The following SBF2 variants were observed in gnomAD, a reference collection of about 807,000 sequenced individuals.
The protein encoded by SBF2 is myotubularin-related protein 13.
Under a neutral mutation model 225.2 loss-of-function variants are expected in SBF2, and 112 were observed. That is an observed-to-expected ratio of 0.50 (90% CI 0.43 to 0.58). The LOEUF (loss-of-function observed/expected upper bound fraction) is 0.58. Among genes scored for constraint, SBF2 ranks in the 20% least tolerant of loss-of-function variants. The pLI is 0.00. For missense variants in SBF2, 1,996 were observed against 2,206.2 expected (o/e 0.90, Z 1.91); for synonymous variants, 763 against 773.3 (o/e 0.99, Z 0.22).
chr11:10,236,019 C>T (rs901718436), intron 1 of SBF2, among the ~76,000 whole-genome samples: 2 of 152,050 alleles, frequency 1.3e-5, no homozygotes, highest in Admixed American at 6.6e-5. Context: ...TGCAGTGAGC[C>T]GCAATTCTAC....
At chr11:9,983,354 T>C (rs1947044006) in intron 13 of SBF2, among the ~76,000 whole-genome samples, 1 of 152,012 alleles carries the variant, frequency 6.6e-6, no homozygotes, top group Non-Finnish European at 1.5e-5. Context: ...GAGGGAGCCA[T>C]AATCTCCCTA....
chr11:9,787,524 C>A, intron 36 of SBF2, 110 bp downstream of exon 36: 1 of 876,648 alleles, frequency 1.1e-6, no homozygotes, highest in Admixed American at 2.0e-5. Context: ...TCCACCCTTC[C>A]TTCTGGCCAT....
intron 16 of SBF2, among the ~76,000 whole-genome samples, chr11:9,916,201 G>C (rs1339258355): frequency 1.3e-5 from 2 of 151,646 alleles, no homozygotes; most frequent in Non-Finnish European, 2.9e-5. Flanking sequence ...AAATAACTAG[G>C]GATAATTTTC....
rs1856241835 is a variant in SBF2, at chr11:9,842,617, T to G, written c.3256+8A>C. 6.2e-7 allele frequency: 1 copy of G among 1,613,780 alleles called. No homozygotes were observed. The highest frequency in any genetic ancestry group is 8.5e-7 in the Non-Finnish European group (1 of 1,179,776). The stretch of plus-strand genomic sequence containing the variant: ...TGAATAATGAAGGAAATTCAAGTTT[T>G]CACATACCAGATACATCATCATCTT... On this transcript the variant is annotated splice_region_variant and intron_variant, in intron 25 of 39. Coordinates refer to ENST00000256190, the MANE Select transcript of SBF2 (RefSeq NM_030962.4).
rs148717661 is a variant in SBF2 at position 9,788,761 on chromosome 11, A to ATTT, written c.4932+345_4932+347dup. Among the ~76,000 whole-genome samples, 464 of 134,822 alleles carry ATTT rather than the reference A, an allele frequency of 3.4e-3. 6 individuals are homozygous for ATTT. Among genetic ancestry groups the ATTT allele is most frequent in the African/African-American group, 0.013 (450 of 35,534 alleles). The allele number at this position is 134,822 out of a possible 152,430, so 88.4% of individuals were successfully genotyped here. ...AGGCGCCCGCCACCACGCCCGGCTA[A>ATTT]TTTTTTTTTTTTTTTTGTATTTCTT... On this transcript the variant is annotated intron_variant, in intron 35 of 39. Coordinates refer to ENST00000256190, the MANE Select transcript of SBF2 (RefSeq NM_030962.4).
intron 16 of SBF2, among the ~76,000 whole-genome samples, chr11:9,942,913 A>G (rs28377654): frequency 8.9e-5 from 6 of 67,234 alleles, no homozygotes; most frequent in Non-Finnish European, 1.7e-4. Flanking sequence ...GAAAGAAAGA[A>G]AGAAAGAAAG....
chr11:10,285,024 C>A (rs1963656767), intron 1 of SBF2, among the ~76,000 whole-genome samples: 1 of 151,890 alleles, frequency 6.6e-6, no homozygotes, highest in Non-Finnish European at 1.5e-5. Flanking sequence ...AAGAGTGTAT[C>A]ATTTGGCCAG....
intron 16 of SBF2, among the ~76,000 whole-genome samples, chr11:9,954,941 G>A (rs1464798154): frequency 6.6e-6 from 1 of 152,030 alleles, no homozygotes; most frequent in Admixed American, 6.6e-5. Context: ...GAAATTGCCT[G>A]ACTTTAGGAC....
chr11:10,103,037 G>A (rs1400871656), intron 2 of SBF2, among the ~76,000 whole-genome samples: 1 of 152,152 alleles, frequency 6.6e-6, no homozygotes, highest in African/African-American at 2.4e-5. Flanking sequence ...AAAATGGGGA[G>A]AGAGAAGAAA....
At chr11:10,190,760 TAA>T (rs1957133955) in intron 2 of SBF2, among the ~76,000 whole-genome samples, 2 of 152,206 alleles carry the variant, frequency 1.3e-5, no homozygotes, top group African/African-American at 2.4e-5. Context: ...AAATAAATAA[TAA>T]AGTTGGTCCC....
At chr11:9,854,222 G>A (rs1379788045) in intron 19 of SBF2, among the ~76,000 whole-genome samples, 1 of 152,186 alleles carries the variant, frequency 6.6e-6, no homozygotes, top group South Asian at 2.1e-4. Context: ...GGACCAAACT[G>A]TCCCTTCTCT....
intron 1 of SBF2, among the ~76,000 whole-genome samples, chr11:10,301,838 C>T (rs1041169855): frequency 5.3e-5 from 8 of 152,124 alleles, no homozygotes; most frequent in East Asian, 1.9e-4. Flanking sequence ...AACACCATTA[C>T]GCAAAAACCC....
At chr11:9,805,245 C>CA (rs35459604) in intron 32 of SBF2, among the ~76,000 whole-genome samples, 61,521 of 136,790 alleles carry the variant, frequency 0.45, 14,521 homozygotes, top group Non-Finnish European at 0.56. Flanking sequence ...GACTCTGTCT[C>CA]AAAAAAAAAA....
intron 1 of SBF2, among the ~76,000 whole-genome samples, chr11:10,278,968 G>A (rs568821122): frequency 2.0e-5 from 3 of 151,852 alleles, no homozygotes; most frequent in Middle Eastern, 6.8e-3. Context: ...AAGGCTGGGC[G>A]CAATGGCTTA....
At chr11:9,809,645 A>G (rs375602940) in intron 30 of SBF2, among the ~76,000 whole-genome samples, 138 of 151,710 alleles carry the variant, frequency 9.1e-4, no homozygotes, top group African/African-American at 3.1e-3. Context: ...CCCGGGTTCA[A>G]GCGATTCTCC....
intron 16 of SBF2, among the ~76,000 whole-genome samples, chr11:9,949,461 C>G (rs1865737321): frequency 6.6e-6 from 1 of 152,108 alleles, no homozygotes. Context: ...AACATGGAAG[C>G]TCTTTTCTAA....
chr11:10,144,741 T>A (rs1954811064), intron 2 of SBF2, among the ~76,000 whole-genome samples: 1 of 152,180 alleles, frequency 6.6e-6, no homozygotes, highest in African/African-American at 2.4e-5. Context: ...GCTCAAAAAA[T>A]CTTTATGGTC....
intron 6 of SBF2, among the ~76,000 whole-genome samples, chr11:10,004,944 T>C (rs916605010): frequency 1.3e-5 from 2 of 152,214 alleles, no homozygotes; most frequent in Admixed American, 1.3e-4. Flanking sequence ...TATTGACTGA[T>C]GTCTCACTGT....
chr11:10,159,587 C>T (rs1174500436), intron 2 of SBF2, among the ~76,000 whole-genome samples: 1 of 152,140 alleles, frequency 6.6e-6, no homozygotes, highest in East Asian at 1.9e-4. Flanking sequence ...TCACTGGCTT[C>T]CCCCTAAGTT....
Sources: allele counts gnomAD v4.1 joint callset (sites outside exome capture counted in the v4.1 genomes callset), GRCh38; gene constraint gnomAD v4.1.1; transcripts MANE v1.5; gene names NCBI Gene and HGNC (gene_info 2026-07-23, HGNC 2026-07-21).